ZNF385D: variants seen among roughly 807,000 people sequenced by gnomAD.
ZNF385D encodes zinc finger protein 659.
Under a neutral mutation model 35.8 loss-of-function variants are expected in ZNF385D, and 15 were observed. That is an observed-to-expected ratio of 0.42 (90% CI 0.28 to 0.64). The LOEUF is 0.64. Among genes scored for constraint, ZNF385D ranks in the 30% least tolerant of loss-of-function variants. The probability of loss-of-function intolerance (pLI) is 0.23; values close to 1 mark genes in which losing one functional copy is unlikely to be tolerated. For missense variants in ZNF385D, 474 were observed against 494.6 expected, an observed-to-expected ratio of 0.96 and a Z score of 0.39; for synonymous variants, 212 against 186.8, an observed-to-expected ratio of 1.13 and a Z score of -1.10.
At chr3:22,334,018 C>T (rs776867734) in intron 2 of ZNF385D, among the ~76,000 whole-genome samples, 1 of 152,146 alleles carries the variant, frequency 6.6e-6, no homozygotes, top group Non-Finnish European at 1.5e-5. Flanking sequence ...GTAAACTCTG[C>T]TTATTTCATC....
intron 2 of ZNF385D, among the ~76,000 whole-genome samples, chr3:22,241,366 T>G (rs1047864665): frequency 6.6e-6 from 1 of 151,170 alleles, no homozygotes; most frequent in Non-Finnish European, 1.5e-5. Context: ...TCCTTGTCAA[T>G]TCTATATTGG....
intron 3 of ZNF385D, among the ~76,000 whole-genome samples, chr3:21,962,833 A>G (rs1702672419): frequency 6.6e-6 from 1 of 152,210 alleles, no homozygotes; most frequent in Non-Finnish European, 1.5e-5. Context: ...TACTAGGGAA[A>G]TGTTTCATTA....
intron 3 of ZNF385D, among the ~76,000 whole-genome samples, chr3:21,514,127 G>A (rs1707409699): frequency 6.6e-6 from 1 of 152,118 alleles, no homozygotes; most frequent in Non-Finnish European, 1.5e-5. Context: ...GCAGAGGAGT[G>A]TAGGACAGTT....
chr3:22,093,714 T>C lies in ZNF385D; in HGVS notation c.325+75103A>G, dbSNP rs1701450747. On this transcript the variant is annotated intron_variant, in intron 3 of 5. Transcript: ENST00000494108. ...CTACTCATGTTACTACTTTTATTATTTTTATTTTTTCAGGGATTAATAACA... is the reference window on the plus strand; with the variant it reads ...CTACTCATGTTACTACTTTTATTATCTTTATTTTTTCAGGGATTAATAACA... Among the ~76,000 whole-genome samples, 3 of 152,130 alleles carry C rather than the reference T, an allele frequency of 2.0e-5. 1 individual carries two copies. The South Asian group carries it at 6.2e-4, about 31-fold the overall frequency.
chr3:22,369,805 A>G (rs1157844273), intron 2 of ZNF385D, among the ~76,000 whole-genome samples: 2 of 152,144 alleles, frequency 1.3e-5, no homozygotes, highest in African/African-American at 4.8e-5. Flanking sequence ...TACTTTTAAA[A>G]CCTCAAAATC....
intron 2 of ZNF385D, among the ~76,000 whole-genome samples, chr3:22,364,038 C>T (rs182417711): frequency 6.6e-6 from 1 of 152,024 alleles, no homozygotes; most frequent in Non-Finnish European, 1.5e-5. Context: ...CCTCTTGATG[C>T]TCAACATTAT....
intron 2 of ZNF385D, among the ~76,000 whole-genome samples, chr3:21,574,845 G>T (rs998944636): frequency 1.3e-5 from 2 of 152,030 alleles, no homozygotes; most frequent in Non-Finnish European, 2.9e-5. Context: ...TAAATTGATT[G>T]TGGATGCAAA....
At chr3:22,088,477 T>A (rs756938656) in intron 3 of ZNF385D, among the ~76,000 whole-genome samples, 2 of 152,138 alleles carry the variant, frequency 1.3e-5, no homozygotes, top group Non-Finnish European at 2.9e-5. Context: ...AGCAAAGATG[T>A]GTATGGATGA....
At chr3:21,863,073 A>G (rs11716056) in intron 3 of ZNF385D, among the ~76,000 whole-genome samples, 10,615 of 152,254 alleles carry the variant, frequency 0.07, 549 homozygotes, top group East Asian at 0.21. Flanking sequence ...ATACACACAT[A>G]AATATTTATA....
intron 3 of ZNF385D, among the ~76,000 whole-genome samples, chr3:22,102,069 T>C (rs955891437): frequency 1.3e-5 from 2 of 151,590 alleles, no homozygotes; most frequent in African/African-American, 4.8e-5. Context: ...AGCCCTAATA[T>C]AAAAGAAAAG....
At chr3:22,145,594 T>C (rs190039162) in intron 3 of ZNF385D, among the ~76,000 whole-genome samples, 15 of 152,216 alleles carry the variant, frequency 9.9e-5, no homozygotes, top group African/African-American at 2.9e-4. Flanking sequence ...AATGAATGAC[T>C]CTACAGGACA....
chr3:21,668,739 GCAAATAGTGCAAAATCAAAA>G (rs1173958926), intron 1 of ZNF385D, among the ~76,000 whole-genome samples: 1 of 152,128 alleles, frequency 6.6e-6, no homozygotes, highest in Non-Finnish European at 1.5e-5. Flanking sequence ...AATACTATTT[GCAAATAGTGCAAAATCAAAA>G]CCGGCAAATA....
At position 21,545,840 on chromosome 3, in the gene ZNF385D, G is replaced by A. The variant is rs769909397; in HGVS notation, c.276+18734C>T. Among the ~76,000 whole-genome samples the A allele has an allele frequency of 8.5e-5, 13 of 152,202 alleles. No homozygotes were observed. The South Asian group carries it at 1.5e-3, about 17-fold the overall frequency. Reference sequence around the variant, plus strand: ...TTTCTAACAGGTCTAGGAACTCCAAGTTTATCTTGGGACCTCAAGAGGAGA... The same window carrying A: ...TTTCTAACAGGTCTAGGAACTCCAAATTTATCTTGGGACCTCAAGAGGAGA... On this transcript the variant is annotated intron_variant, in intron 3 of 7. Transcript: ENST00000281523.
chr3:21,897,142 G>A (rs932040148), intron 3 of ZNF385D, among the ~76,000 whole-genome samples: 3 of 152,120 alleles, frequency 2.0e-5, no homozygotes, highest in African/African-American at 4.8e-5. Flanking sequence ...TGCCCCTTTC[G>A]ACTCTGCTAG....
intron 3 of ZNF385D, among the ~76,000 whole-genome samples, chr3:21,935,808 G>A (rs893158302): frequency 6.6e-6 from 1 of 152,026 alleles, no homozygotes; most frequent in East Asian, 1.9e-4. Flanking sequence ...ATAACCCGGT[G>A]GAGTACCTTT....
chr3:21,921,222 CAAAAAAA>C (rs11387962), intron 3 of ZNF385D, among the ~76,000 whole-genome samples: 2 of 68,962 alleles, frequency 2.9e-5, no homozygotes, highest in Non-Finnish European at 2.7e-5. Flanking sequence ...GACTCCATCT[CAAAAAAA>C]AAAAAAAAAA....
At chr3:22,105,397 A>G (rs1473306913) in intron 3 of ZNF385D, among the ~76,000 whole-genome samples, 1 of 152,026 alleles carries the variant, frequency 6.6e-6, no homozygotes, top group African/African-American at 2.4e-5. Context: ...GTGTGTATAC[A>G]TATATAAATA....
At chr3:22,179,985 A>C (rs1464068700) in intron 2 of ZNF385D, among the ~76,000 whole-genome samples, 1 of 152,204 alleles carries the variant, frequency 6.6e-6, no homozygotes, top group Non-Finnish European at 1.5e-5. Context: ...TCAAAAAATC[A>C]ATGAATCCAG....
At chr3:21,703,160 G>T (rs894369811) in intron 1 of ZNF385D, among the ~76,000 whole-genome samples, 2 of 152,128 alleles carry the variant, frequency 1.3e-5, no homozygotes, top group East Asian at 1.9e-4. Flanking sequence ...TGGACTTATG[G>T]TTCCACATGG....
Sources: gnomAD v4.1 joint callset for allele counts (sites outside exome capture counted in the v4.1 genomes callset) on GRCh38, gnomAD v4.1.1 for gene constraint, MANE v1.5 for transcripts, NCBI Gene and HGNC (gene_info 2026-07-23, HGNC 2026-07-21) for gene names.